NLGN1: variants seen among roughly 807,000 people sequenced by gnomAD.
The protein encoded by NLGN1 is neuroligin-1.
NLGN1 carries 12 observed loss-of-function variants against 65.5 expected under a neutral mutation model. The ratio of observed to expected loss-of-function variants is 0.18; its 90% confidence interval spans 0.12 to 0.30. The LOEUF (loss-of-function observed/expected upper bound fraction) is 0.30, where lower values mean the gene tolerates loss of function less well. Among genes scored for constraint, NLGN1 ranks in the 10% least tolerant of loss-of-function variants. The probability of loss-of-function intolerance (pLI) is 1.00; values close to 1 mark genes in which losing one functional copy is unlikely to be tolerated. For missense variants in NLGN1, 750 were observed against 1,007.1 expected (o/e 0.74, Z 3.46); for synonymous variants, 350 against 359.5 (o/e 0.97, Z 0.30).
intron 4 of NLGN1, among the ~76,000 whole-genome samples, chr3:174,017,979 C>T (rs1328208664): frequency 6.6e-6 from 1 of 152,032 alleles, no homozygotes; most frequent in Non-Finnish European, 1.5e-5. Flanking sequence ...GGGAGTGCTA[C>T]GGGAGACCGG....
At chr3:173,902,881 A>G (rs1737629127) in intron 4 of NLGN1, among the ~76,000 whole-genome samples, 1 of 152,116 alleles carries the variant, frequency 6.6e-6, no homozygotes. Flanking sequence ...GATGCTAGAA[A>G]CAGCATCAAA....
chr3:174,223,994 CAA>C (rs1739140080), intron 4 of NLGN1, among the ~76,000 whole-genome samples: 2 of 152,184 alleles, frequency 1.3e-5, no homozygotes, highest in Non-Finnish European at 2.9e-5. Context: ...TAGTTTAACC[CAA>C]ACTTTCCATC....
chr3:174,169,202 ACTCCT>A (rs1359547237), intron 4 of NLGN1, among the ~76,000 whole-genome samples: 1 of 151,912 alleles, frequency 6.6e-6, no homozygotes, highest in Non-Finnish European at 1.5e-5. Context: ...CAGAGAGGGT[ACTCCT>A]GCACAAGGAT....
At chr3:174,024,487 A>G (rs1728441831) in intron 4 of NLGN1, among the ~76,000 whole-genome samples, 1 of 152,212 alleles carries the variant, frequency 6.6e-6, no homozygotes, top group African/African-American at 2.4e-5. Context: ...TTTATGGTCT[A>G]TGTGTAACAA....
At chr3:173,812,172 A>G (rs1020567062) in intron 4 of NLGN1, among the ~76,000 whole-genome samples, 7 of 152,206 alleles carry the variant, frequency 4.6e-5, no homozygotes, top group African/African-American at 1.4e-4. Flanking sequence ...TATTTACACC[A>G]CCCGTCCATG....
intron 2 of NLGN1, among the ~76,000 whole-genome samples, chr3:173,501,068 C>T (rs566385065): frequency 9.2e-5 from 14 of 152,158 alleles, no homozygotes; most frequent in Non-Finnish European, 1.9e-4. Flanking sequence ...AAATCTTTTT[C>T]CAAGATATCT....
intron 4 of NLGN1, among the ~76,000 whole-genome samples, chr3:173,934,269 TTAA>T (rs1318154340): frequency 6.7e-6 from 1 of 148,742 alleles, no homozygotes; most frequent in Non-Finnish European, 1.5e-5. Context: ...CTATATAGTA[TTAA>T]TATTAGTAGT....
At chr3:173,958,134 A>T (rs143460211) in intron 4 of NLGN1, among the ~76,000 whole-genome samples, 1 of 152,110 alleles carries the variant, frequency 6.6e-6, no homozygotes. Flanking sequence ...GGGATCCCCA[A>T]AGGGCTGTAG....
intron 2 of NLGN1, among the ~76,000 whole-genome samples, chr3:173,492,514 G>A (rs1217451638): frequency 6.6e-6 from 1 of 151,788 alleles, no homozygotes; most frequent in African/African-American, 2.4e-5. Flanking sequence ...ATTTGTTACA[G>A]TAGAATTTCC....
chr3:173,434,762 G>A (rs1363623086), intron 1 of NLGN1, among the ~76,000 whole-genome samples: 1 of 152,198 alleles, frequency 6.6e-6, no homozygotes, highest in East Asian at 1.9e-4. Context: ...AATTTTCAGT[G>A]TTTAAGAAGC....
At chr3:173,586,430 G>A (rs75893423) in intron 2 of NLGN1, among the ~76,000 whole-genome samples, 2,729 of 152,152 alleles carry the variant, frequency 0.018, 36 homozygotes, top group Non-Finnish European at 0.026. Context: ...TACATGCGAC[G>A]TTCTGACTAT....
chr3:173,540,085 C>G (rs1738577190), intron 2 of NLGN1, among the ~76,000 whole-genome samples: 1 of 151,770 alleles, frequency 6.6e-6, no homozygotes, highest in African/African-American at 2.4e-5. Flanking sequence ...TCTACGAAGG[C>G]CCAGTAGCAG....
At chr3:173,539,797 CAT>C (rs145425280) in intron 2 of NLGN1, among the ~76,000 whole-genome samples, 60,387 of 128,586 alleles carry the variant, frequency 0.47, 13,241 homozygotes, top group East Asian at 0.81. Flanking sequence ...TACATATATA[CAT>C]ATATATACAT....
At chr3:173,502,741 G>A (rs1731358643) in intron 2 of NLGN1, among the ~76,000 whole-genome samples, 1 of 151,866 alleles carries the variant, frequency 6.6e-6, no homozygotes, top group African/African-American at 2.4e-5. Context: ...ATAGCAGACG[G>A]CACAAATCAC....
At chr3:173,934,097 A>G (rs1474487302) in intron 4 of NLGN1, among the ~76,000 whole-genome samples, 2 of 151,690 alleles carry the variant, frequency 1.3e-5, no homozygotes, top group African/African-American at 4.8e-5. Context: ...GAAAAACCAT[A>G]TGTGCAATAA....
chr3:173,871,250 C>A (rs141729755), intron 4 of NLGN1, among the ~76,000 whole-genome samples: 17 of 152,204 alleles, frequency 1.1e-4, no homozygotes, highest in African/African-American at 3.9e-4. Flanking sequence ...GGCTGTTGAT[C>A]TGTATTCTTT....
intron 4 of NLGN1, among the ~76,000 whole-genome samples, chr3:173,836,744 A>AT (rs1223513206): frequency 1.3e-5 from 2 of 152,192 alleles, no homozygotes; most frequent in Non-Finnish European, 2.9e-5. Flanking sequence ...ATCACCATCC[A>AT]TGTGGCATAA....
chr3:174,177,650 TC>T (rs1729689096), intron 4 of NLGN1, among the ~76,000 whole-genome samples: 1 of 152,042 alleles, frequency 6.6e-6, no homozygotes, highest in Non-Finnish European at 1.5e-5. Context: ...AAAGAACTGT[TC>T]CTAGATTAGC....
the NLGN1 span, among the ~76,000 whole-genome samples, chr3:174,291,952 A>G: frequency 6.7e-4 from 102 of 151,392 alleles, no homozygotes; most frequent in African/African-American, 2.3e-3. Flanking sequence ...AATTGTCATT[A>G]CTTTCAATAA....
Sources: gnomAD v4.1 joint callset for allele counts (sites outside exome capture counted in the v4.1 genomes callset) on GRCh38, gnomAD v4.1.1 for gene constraint, MANE v1.5 for transcripts, NCBI Gene and HGNC (gene_info 2026-07-23, HGNC 2026-07-21) for gene names.